Variants in MTA3 observed in about 807,000 individuals in gnomAD.
The protein encoded by MTA3 is metastasis-associated protein MTA3.
MTA3 carries 34 observed loss-of-function variants against 83.5 expected under a neutral mutation model. That is an observed-to-expected ratio of 0.41 (90% CI 0.31 to 0.54). The LOEUF (loss-of-function observed/expected upper bound fraction) is 0.54, where lower values mean the gene tolerates loss of function less well. Among genes scored for constraint, MTA3 ranks in the 20% least tolerant of loss-of-function variants. The probability of loss-of-function intolerance (pLI) is 0.33; values close to 1 mark genes in which losing one functional copy is unlikely to be tolerated. For synonymous variants in MTA3, 303 were observed against 252.7 expected, an observed-to-expected ratio of 1.20 and a Z score of -1.89; for missense variants, 761 against 726.4, an observed-to-expected ratio of 1.05 and a Z score of -0.55.
intron 8 of MTA3, among the ~76,000 whole-genome samples, chr2:42,676,064 T>G (rs1257929704): frequency 6.6e-6 from 1 of 152,218 alleles, no homozygotes; most frequent in Non-Finnish European, 1.5e-5. Context: ...GTCTTTGGTA[T>G]AAATGTGCGC....
chr2:42,668,328 T>C (rs186120463), intron 8 of MTA3, among the ~76,000 whole-genome samples: 1 of 152,316 alleles, frequency 6.6e-6, no homozygotes, highest in East Asian at 1.9e-4. Flanking sequence ...TTTTAGGTAA[T>C]GTTTGCAAAC....
chr2:42,717,073 A>G (rs1250040076), intron 14 of MTA3, among the ~76,000 whole-genome samples: 1 of 150,738 alleles, frequency 6.6e-6, no homozygotes, highest in Non-Finnish European at 1.5e-5. Flanking sequence ...CCACAATGAG[A>G]ATTTTTAAAA....
At chr2:42,638,753 G>C (rs1468472212) in intron 4 of MTA3, among the ~76,000 whole-genome samples, 1 of 149,790 alleles carries the variant, frequency 6.7e-6, no homozygotes, top group Non-Finnish European at 1.5e-5. Context: ...AAATATGTTA[G>C]AAAAAAAGAA....
At chr2:42,521,476 G>A (rs1675427731) in intron 2 of MTA3, among the ~76,000 whole-genome samples, 1 of 152,066 alleles carries the variant, frequency 6.6e-6, no homozygotes. Context: ...TTAAGTTTTG[G>A]GGTAATTTAT....
intron 2 of MTA3, among the ~76,000 whole-genome samples, chr2:42,519,910 T>A (rs932535998): frequency 6.6e-6 from 1 of 151,940 alleles, no homozygotes; most frequent in Non-Finnish European, 1.5e-5. Flanking sequence ...GGCATGGTGT[T>A]GAATGCCTGT....
intron 9 of MTA3, 148 bp downstream of exon 9, chr2:42,682,737 G>T (rs1692038076): frequency 2.8e-6 from 2 of 710,692 alleles, no homozygotes; most frequent in Non-Finnish European, 4.6e-6. Context: ...GTCTTGTAAA[G>T]GGAGAAACTG....
At position 42,756,120 on chromosome 2, in the gene MTA3, G is replaced by A. The variant is rs1024989899; in HGVS notation, c.*2721G>A. ...AAACAGGGGAGTGAGGGGCAACCCA[G>A]AGGTGGGGAACAACAACAGCAAGCC... is the stretch of plus-strand genomic sequence containing the variant. On this transcript the variant is annotated 3_prime_UTR_variant, in exon 17 of 17. Coordinates refer to ENST00000405094, the MANE Select transcript of MTA3 (RefSeq NM_001330442.2). The A allele has an allele frequency of 2.3e-5, 16 of 692,116 alleles. No individual in the cohort carries two copies. In the African/African-American group the frequency reaches 3.1e-4, roughly 13 times the overall value. 42.9% of individuals were successfully genotyped at this position (692,116 alleles called of 1,614,324 possible). A position where few individuals can be genotyped will look rare whatever the true frequency, so the allele number is the denominator to read the frequency against.
intron 2 of MTA3, among the ~76,000 whole-genome samples, chr2:42,496,440 C>A (rs1014382564): frequency 6.6e-6 from 1 of 152,086 alleles, no homozygotes; most frequent in Non-Finnish European, 1.5e-5. Flanking sequence ...CAATTCTATT[C>A]TTTGTACTTT....
intron 3 of MTA3, among the ~76,000 whole-genome samples, chr2:42,598,974 T>A (rs886098731): frequency 6.6e-6 from 1 of 152,176 alleles, no homozygotes; most frequent in Admixed American, 6.6e-5. Context: ...TGGAAAATGG[T>A]CATCTGAAGC....
chr2:42,644,241 G>C lies in MTA3; in HGVS notation c.496G>C (p.Glu166Gln), dbSNP rs771993953. The C allele has an allele frequency of 3.7e-6, 6 of 1,602,200 alleles. No homozygotes were observed. Among genetic ancestry groups the C allele is most frequent in the Non-Finnish European group, 4.3e-6 (5 of 1,172,950 alleles). Reference protein sequence around the residue: ...YQADIPEMLLEGESDEREQSK... With the variant: ...YQADIPEMLLQGESDEREQSK... Reference sequence around the variant, plus strand: ...AGCAGACATTCCAGAAATGCTGTTAGAAGGTACGTTTTTCTGCGTGTTTGC... The same window carrying C: ...AGCAGACATTCCAGAAATGCTGTTACAAGGTACGTTTTTCTGCGTGTTTGC... Residue 166 changes from glutamate (E) to glutamine (Q), a missense_variant, in exon 6 of 17, where the codon GAA (glutamate) becomes CAA (glutamine). By Grantham distance (29) the Glu-to-Gln change is conservative (BLOSUM62 2). Transcript: ENST00000405094.
intron 3 of MTA3, among the ~76,000 whole-genome samples, chr2:42,587,783 G>A (rs922281819): frequency 1.3e-5 from 2 of 151,984 alleles, no homozygotes; most frequent in Admixed American, 1.3e-4. Context: ...TGCATTTTTT[G>A]TAGAGATGGG....
chr2:42,505,549 A>AC (rs1325633253), intron 2 of MTA3, among the ~76,000 whole-genome samples: 3 of 150,696 alleles, frequency 2.0e-5, no homozygotes, highest in Non-Finnish European at 4.4e-5. Context: ...AGCACTAAGC[A>AC]CCCCCCTGGA....
chr2:42,724,362 G>A (rs946628960), intron 16 of MTA3, among the ~76,000 whole-genome samples: 1 of 136,152 alleles, frequency 7.3e-6, no homozygotes, highest in Non-Finnish European at 1.6e-5. Context: ...AAAGACTGTC[G>A]TTGTGGGCCA....
At chr2:42,508,844 T>C (rs1250204662) in intron 2 of MTA3, among the ~76,000 whole-genome samples, 1 of 146,630 alleles carries the variant, frequency 6.8e-6, no homozygotes, top group Admixed American at 6.9e-5. Flanking sequence ...ATATTAAATA[T>C]ATTAAATTAT....
intron 8 of MTA3, among the ~76,000 whole-genome samples, chr2:42,680,918 T>TG (rs1691835290): frequency 6.6e-6 from 1 of 151,418 alleles, no homozygotes; most frequent in South Asian, 2.1e-4. Context: ...CATGCCTGTT[T>TG]TTTTGTAGAG....
chr2:42,641,797 C>T lies in MTA3; in HGVS notation c.381+1561C>T, dbSNP rs189794794. Among the ~76,000 whole-genome samples, 7 of 151,566 alleles carry T rather than the reference C, an allele frequency of 4.6e-5. No individual in the cohort carries two copies. The East Asian group carries it at 7.8e-4, about 17-fold the overall frequency. On this transcript the variant is annotated intron_variant, in intron 5 of 16. Transcript: ENST00000405094. The stretch of plus-strand genomic sequence containing the variant: ...AGGAGAATACCTTGGATCTGGGAGG[C>T]GGAGGTTGCAGTGAGCCGAGATCGC...
chr2:42,610,408 CATACAA>C (rs1335376733), intron 4 of MTA3, among the ~76,000 whole-genome samples: 1 of 152,150 alleles, frequency 6.6e-6, no homozygotes, highest in East Asian at 1.9e-4. Context: ...GCATTGATAG[CATACAA>C]ATGTGCAGAA....
At chr2:42,581,360 CTTTTT>C (rs778419810) in intron 3 of MTA3, among the ~76,000 whole-genome samples, 5 of 88,266 alleles carry the variant, frequency 5.7e-5, no homozygotes, top group Non-Finnish European at 9.1e-5. Flanking sequence ...TCCCAAATTG[CTTTTT>C]TTTTTTTTTT....
At chr2:42,629,113 T>C (rs1279973340) in intron 4 of MTA3, among the ~76,000 whole-genome samples, 2 of 152,118 alleles carry the variant, frequency 1.3e-5, no homozygotes, top group South Asian at 4.1e-4. Context: ...GGAGTCTTGC[T>C]CTGTGGCCCA....
Sources: allele counts gnomAD v4.1 joint callset (sites outside exome capture counted in the v4.1 genomes callset), GRCh38; gene constraint gnomAD v4.1.1; transcripts MANE v1.5; gene names NCBI Gene and HGNC (gene_info 2026-07-23, HGNC 2026-07-21).